The following TOX variants were observed in gnomAD, a reference collection of about 807,000 sequenced individuals.
TOX encodes thymocyte selection-associated high mobility group box protein TOX.
TOX carries 11 observed loss-of-function variants against 53.7 expected under a neutral mutation model. That is an observed-to-expected ratio of 0.20 (90% CI 0.13 to 0.34). The LOEUF (loss-of-function observed/expected upper bound fraction) is 0.34, where lower values mean the gene tolerates loss of function less well. TOX is among the 10% of genes least tolerant of loss of function. TOX has a pLI of 1.00. For missense variants in TOX, 570 were observed against 664.6 expected, an observed-to-expected ratio of 0.86 and a Z score of 1.56; for synonymous variants, 225 against 245.3, an observed-to-expected ratio of 0.92 and a Z score of 0.77.
At chr8:59,103,846 C>T (rs1007831439) in intron 1 of TOX, among the ~76,000 whole-genome samples, 6 of 152,104 alleles carry the variant, frequency 3.9e-5, no homozygotes, top group African/African-American at 1.4e-4. Context: ...AATATTACTC[C>T]ACAATTAGAA....
At chr8:58,912,477 T>C (rs955613009) in intron 3 of TOX, among the ~76,000 whole-genome samples, 7 of 152,218 alleles carry the variant, frequency 4.6e-5, no homozygotes, top group African/African-American at 1.7e-4. Flanking sequence ...TTTTTCCATC[T>C]GGGGAAAAAG....
In TOX at chr8:59,117,626, C is replaced by A. The variant is rs943446816; in HGVS notation, c.102+1260G>T. Among the ~76,000 whole-genome samples the A allele has an allele frequency of 6.6e-6, 1 of 152,202 alleles. No homozygotes were observed. The highest frequency in any genetic ancestry group is 2.4e-5 in the African/African-American group (1 of 41,446). On this transcript the variant is annotated intron_variant, in intron 1 of 8. Transcript: ENST00000361421. This position sits in a 1 kb window ranked among gnomAD's most constrained non-coding sequence, Gnocchi z 4.6. ...GCGGAGTCCAGGGCTGAGAAGGCAGCGCACTAAATATCTCTGTATCAGGTA... is the reference window on the plus strand; with the variant it reads ...GCGGAGTCCAGGGCTGAGAAGGCAGAGCACTAAATATCTCTGTATCAGGTA...
At chr8:58,913,203 C>T (rs1811934671) in intron 3 of TOX, among the ~76,000 whole-genome samples, 1 of 152,308 alleles carries the variant, frequency 6.6e-6, no homozygotes, top group Non-Finnish European at 1.5e-5. Context: ...GTAGTCCCAG[C>T]TCCTTGGGAG....
chr8:59,045,588 T>C (rs1803667627), intron 1 of TOX, among the ~76,000 whole-genome samples: 1 of 152,198 alleles, frequency 6.6e-6, no homozygotes, highest in South Asian at 2.1e-4. Context: ...CGACAAATTC[T>C]GGAGCATTTT....
chr8:59,028,507 A>G (rs994023776), intron 1 of TOX, among the ~76,000 whole-genome samples: 6 of 152,164 alleles, frequency 3.9e-5, no homozygotes, highest in Non-Finnish European at 8.8e-5. Flanking sequence ...AAGATCTAAT[A>G]TATAGACAGA....
intron 1 of TOX, among the ~76,000 whole-genome samples, chr8:59,014,215 C>T (rs1813966990): frequency 6.6e-6 from 1 of 152,156 alleles, no homozygotes; most frequent in Admixed American, 6.5e-5. Context: ...ATGCTATTAT[C>T]CTGTGGGGTA....
rs1204249092 is a variant in TOX, at chr8:59,092,275, A to T, written c.102+26611T>A. Among the ~76,000 whole-genome samples the T allele has an allele frequency of 2.2e-5, 2 of 91,886 alleles. 1 individual carries two copies. The highest frequency in any genetic ancestry group is 3.2e-4 in the African/African-American group (2 of 6,310). 60.3% of individuals were successfully genotyped at this position (91,886 alleles called of 152,430 possible). A position where few individuals can be genotyped will look rare whatever the true frequency, so the allele number is the denominator to read the frequency against. ...TCATATATATATATTTTATATATAT[A>T]TATATATTATATATACATTATATAT... On this transcript the variant is annotated intron_variant, in intron 1 of 8. Transcript: ENST00000361421.
rs369137985 is a variant in TOX, at chr8:58,820,411, A to G, written c.1006-4687T>C. On this transcript the variant is annotated intron_variant, in intron 6 of 8. Coordinates refer to ENST00000361421, the MANE Select transcript of TOX (RefSeq NM_014729.3). ...GAATCTGATTGCCTTTATTTAATAA[A>G]CCAGAACATAGTTATCCAAATGCCA... Among the ~76,000 whole-genome samples, 3 of 152,334 alleles carry G rather than the reference A, an allele frequency of 2.0e-5. No homozygotes were observed. In the East Asian group the frequency reaches 5.8e-4, roughly 29 times the overall value.
intron 1 of TOX, among the ~76,000 whole-genome samples, chr8:58,972,431 C>T (rs977667077): frequency 2.0e-5 from 3 of 152,056 alleles, no homozygotes; most frequent in South Asian, 2.1e-4. Flanking sequence ...AAAATTGCTT[C>T]GGGCTAATTT....
intron 6 of TOX, among the ~76,000 whole-genome samples, chr8:58,818,069 G>A (rs1810210645): frequency 6.6e-6 from 1 of 152,132 alleles, no homozygotes; most frequent in African/African-American, 2.4e-5. Context: ...ATTTACAGAA[G>A]TGAACAGATA....
intron 3 of TOX, among the ~76,000 whole-genome samples, chr8:58,914,749 G>C (rs1003793158): frequency 7.5e-6 from 1 of 133,798 alleles, no homozygotes; most frequent in Non-Finnish European, 1.8e-5. Context: ...CAGCGTGAGC[G>C]ACGCAGAAGA....
intron 1 of TOX, among the ~76,000 whole-genome samples, chr8:59,085,293 T>C (rs956971040): frequency 6.6e-6 from 1 of 152,268 alleles, no homozygotes; most frequent in African/African-American, 2.4e-5. Flanking sequence ...AATTAGTTCA[T>C]CTACATTAAC....
intron 3 of TOX, among the ~76,000 whole-genome samples, chr8:58,882,084 C>T (rs950794923): frequency 1.3e-5 from 2 of 152,212 alleles, no homozygotes; most frequent in Admixed American, 1.3e-4. Flanking sequence ...AAACTAAGCT[C>T]TCCCACTTCA....
At chr8:59,064,196 A>G (rs1804046358) in intron 1 of TOX, among the ~76,000 whole-genome samples, 2 of 152,188 alleles carry the variant, frequency 1.3e-5, no homozygotes, top group Admixed American at 1.3e-4. Context: ...ACAAGGATAT[A>G]GACCTTTTTC....
chr8:58,866,213 A>C (rs1267496710), intron 3 of TOX, among the ~76,000 whole-genome samples: 2 of 152,256 alleles, frequency 1.3e-5, no homozygotes, highest in Non-Finnish European at 1.5e-5. Flanking sequence ...TTAAACAATA[A>C]ATTTCTGTAT....
intron 1 of TOX, among the ~76,000 whole-genome samples, chr8:59,045,740 C>A (rs1172003673): frequency 6.6e-6 from 1 of 152,180 alleles, no homozygotes; most frequent in East Asian, 1.9e-4. Context: ...CCTGAAAAAA[C>A]TAGTGGTCTC....
rs140812711 is a variant in TOX at position 58,994,014 on chromosome 8, C to T, written c.103-34006G>A. On this transcript the variant is annotated intron_variant, in intron 1 of 8. Coordinates refer to ENST00000361421, the MANE Select transcript of TOX (RefSeq NM_014729.3). ...CACAGTCTATTTTCACCTAGATCCACGACATATTCTTGCCAGTATTCATCA... is the reference window on the plus strand; with the variant it reads ...CACAGTCTATTTTCACCTAGATCCATGACATATTCTTGCCAGTATTCATCA... 2.4e-3 allele frequency among the ~76,000 whole-genome samples: 359 copies of T among 152,194 alleles called. 3 individuals carry two copies. Among genetic ancestry groups the T allele is most frequent in the African/African-American group, 8.1e-3 (338 of 41,508 alleles).
intron 3 of TOX, among the ~76,000 whole-genome samples, chr8:58,887,566 G>A (rs949206220): frequency 6.6e-6 from 1 of 151,822 alleles, no homozygotes; most frequent in African/African-American, 2.4e-5. Flanking sequence ...AGTCTCTTAT[G>A]AGTCCATTAA....
chr8:59,100,788 A>G (rs1804793067), intron 1 of TOX, among the ~76,000 whole-genome samples: 1 of 152,218 alleles, frequency 6.6e-6, no homozygotes, highest in Non-Finnish European at 1.5e-5. Flanking sequence ...AATAGTATTG[A>G]GTAATGTTAA....
Sources: gnomAD v4.1 joint callset for allele counts (sites outside exome capture counted in the v4.1 genomes callset) on GRCh38, gnomAD v4.1.1 for gene constraint, Gnocchi (gnomAD v3.1) non-coding constraint, MANE v1.5 for transcripts, NCBI Gene and HGNC (gene_info 2026-07-23, HGNC 2026-07-21) for gene names.